The following ARHGEF10L variants were observed in gnomAD, a reference collection of about 807,000 sequenced individuals.
ARHGEF10L encodes Rho guanine nucleotide exchange factor 10 like.
Under a neutral mutation model 141.2 loss-of-function variants are expected in ARHGEF10L, and 69 were observed. The ratio of observed to expected loss-of-function variants is 0.49; its 90% CI spans 0.40 to 0.60. ARHGEF10L has a LOEUF of 0.60. Ranked by LOEUF, ARHGEF10L falls within the 20% of genes least tolerant of loss-of-function variation. The pLI is 0.00. For missense variants in ARHGEF10L, 1,482 were observed against 1,734.3 expected, an observed-to-expected ratio of 0.85 and a Z score of 2.58; for synonymous variants, 711 against 718.5, an observed-to-expected ratio of 0.99 and a Z score of 0.17.
chr1:17,581,760 C>T (rs1457137771), intron 2 of ARHGEF10L, among the ~76,000 whole-genome samples: 3 of 152,036 alleles, frequency 2.0e-5, no homozygotes, highest in African/African-American at 7.2e-5. Flanking sequence ...TAATCAATTG[C>T]TCACTGACGG....
At chr1:17,641,187 G>A (rs1223404496) in intron 21 of ARHGEF10L, among the ~76,000 whole-genome samples, 5 of 152,166 alleles carry the variant, frequency 3.3e-5, no homozygotes, top group Non-Finnish European at 7.3e-5. Flanking sequence ...GTTGGTGAGA[G>A]GCTTATGTCC....
At chr1:17,653,349 G>T (rs867061677) in intron 22 of ARHGEF10L, among the ~76,000 whole-genome samples, 3 of 152,208 alleles carry the variant, frequency 2.0e-5, no homozygotes, top group African/African-American at 7.2e-5. Flanking sequence ...GACATTTAGG[G>T]GCTAGGGCCT....
intron 5 of ARHGEF10L, among the ~76,000 whole-genome samples, chr1:17,602,629 C>T (rs550472238): frequency 1.3e-5 from 2 of 152,070 alleles, no homozygotes; most frequent in Admixed American, 6.5e-5. Flanking sequence ...TGTACAAGGG[C>T]CTGAGGGCAG....
At chr1:17,598,773 CTTT>C (rs113297592) in intron 4 of ARHGEF10L, among the ~76,000 whole-genome samples, 1 of 145,130 alleles carries the variant, frequency 6.9e-6, no homozygotes. Flanking sequence ...CTCTCTCTCT[CTTT>C]TTTTTTTTTT....
At chr1:17,568,525 G>A (rs954315816) in intron 1 of ARHGEF10L, among the ~76,000 whole-genome samples, 1 of 152,202 alleles carries the variant, frequency 6.6e-6, no homozygotes, top group Non-Finnish European at 1.5e-5. Context: ...TTGCTTCAGA[G>A]CAGAAATGAC....
chr1:17,653,149 C>T (rs2062029072), intron 22 of ARHGEF10L, among the ~76,000 whole-genome samples: 1 of 152,200 alleles, frequency 6.6e-6, no homozygotes, highest in Non-Finnish European at 1.5e-5. Flanking sequence ...CACGGCCATC[C>T]TGAGAGATTT....
chr1:17,610,934 C>T (rs1332599499), intron 7 of ARHGEF10L, among the ~76,000 whole-genome samples: 2 of 151,806 alleles, frequency 1.3e-5, no homozygotes, highest in Non-Finnish European at 2.9e-5. Context: ...CCTGCTGGTG[C>T]CAATCCAGGA....
the ARHGEF10L span, among the ~76,000 whole-genome samples, chr1:17,518,080 G>T: frequency 6.6e-6 from 1 of 152,250 alleles, no homozygotes; most frequent in Non-Finnish European, 1.5e-5. Context: ...GATCAAATGT[G>T]TTGTTGTGTC....
chr1:17,627,604 C>T lies in ARHGEF10L; in HGVS notation c.1584+101C>T. On this transcript the variant is annotated intron_variant, in intron 15 of 28. Coordinates refer to ENST00000361221, the MANE Select transcript of ARHGEF10L (RefSeq NM_018125.4). The surrounding 1 kb of genome is among the most constrained non-coding windows in gnomAD (Gnocchi z 4.0). ...GCCACCCACACTAGGTGGCAGTGTT[C>T]TCTGAGGGAGGGGAGGCCTTGCTCT... 1 of 1,418,858 alleles carries T rather than the reference C, an allele frequency of 7.0e-7. No individual in the cohort carries two copies. The highest frequency in any genetic ancestry group is 9.5e-7 in the Non-Finnish European group (1 of 1,053,026). 87.9% of individuals were successfully genotyped at this position (1,418,858 alleles called of 1,614,324 possible). A position where few individuals can be genotyped will look rare whatever the true frequency, so the allele number is the denominator to read the frequency against.
At chr1:17,620,095 C>T (rs543484303) in intron 10 of ARHGEF10L, among the ~76,000 whole-genome samples, 21 of 151,290 alleles carry the variant, frequency 1.4e-4, no homozygotes, top group African/African-American at 4.8e-4. Context: ...CTCAGCTATT[C>T]GGGAGGCTGA....
At chr1:17,608,226 C>T (rs2081354900) in intron 7 of ARHGEF10L, among the ~76,000 whole-genome samples, 2 of 152,326 alleles carry the variant, frequency 1.3e-5, no homozygotes, top group East Asian at 1.9e-4. Flanking sequence ...GGCACAGGTG[C>T]TCCCCCCACC....
rs1299609380 is a variant in ARHGEF10L at position 17,558,822 on chromosome 1, A to G, written c.-44+18872A>G. Among the ~76,000 whole-genome samples the G allele has an allele frequency of 6.6e-6, 1 of 152,184 alleles. No individual in the cohort carries two copies. The highest frequency in any genetic ancestry group is 2.4e-5 in the African/African-American group (1 of 41,442). On this transcript the variant is annotated intron_variant, in intron 1 of 28. Transcript: ENST00000361221. This position sits in a 1 kb window ranked among gnomAD's most constrained non-coding sequence, Gnocchi z 4.2. ...GAGCTGTGGCTCTGTGGGGCCACAG[A>G]TAGGGTCCAGGCAGGGGACAACACT... is the stretch of plus-strand genomic sequence containing the variant.
chr1:17,599,396 A>G (rs1423166205), intron 4 of ARHGEF10L, among the ~76,000 whole-genome samples: 1 of 151,856 alleles, frequency 6.6e-6, no homozygotes. Context: ...CAAGCAGTGC[A>G]TGGCGGATGC....
intron 4 of ARHGEF10L, among the ~76,000 whole-genome samples, chr1:17,592,289 CCT>C (rs1448530549): frequency 6.6e-6 from 1 of 152,206 alleles, no homozygotes; most frequent in Non-Finnish European, 1.5e-5. Context: ...CCTTTATCCC[CCT>C]GTGACCTCAG....
At chr1:17,685,682 A>G (rs541360686) in intron 26 of ARHGEF10L, among the ~76,000 whole-genome samples, 5 of 152,224 alleles carry the variant, frequency 3.3e-5, no homozygotes, top group African/African-American at 1.2e-4. Flanking sequence ...TTACACCCAC[A>G]CCAGACACAT....
rs2061232940 is a variant in ARHGEF10L, at chr1:17,639,899, A to C, written c.2172-303A>C. 1.4e-6 allele frequency: 2 copies of C among 1,431,662 alleles called. No individual in the cohort carries two copies. Among genetic ancestry groups the C allele is most frequent in the Non-Finnish European group, 1.9e-6 (2 of 1,080,440 alleles). 88.7% of individuals were successfully genotyped at this position (1,431,662 alleles called of 1,614,324 possible). On this transcript the variant is annotated intron_variant, in intron 20 of 28. Coordinates refer to ENST00000361221, the MANE Select transcript of ARHGEF10L (RefSeq NM_018125.4). This position sits in a 1 kb window ranked among gnomAD's most constrained non-coding sequence, Gnocchi z 4.3. ...AGCTGACCGCTGACCAGGTGGAGTC[A>C]CAGCCTGCAGAGGCTCTGCCGGGCA...
rs2059768071 is a variant in ARHGEF10L at position 17,615,685 on chromosome 1, T to G, written c.727-409T>G. The stretch of plus-strand genomic sequence containing the variant: ...GCTCACAGACCCTGGCAAGGATCGG[T>G]ATTGCTGTTCCTCAGTTTTGCCTGG... On this transcript the variant is annotated intron_variant, in intron 8 of 28. Coordinates refer to ENST00000361221, the MANE Select transcript of ARHGEF10L (RefSeq NM_018125.4). The surrounding 1 kb of genome is among the most constrained non-coding windows in gnomAD (Gnocchi z 4.7). The G allele has an allele frequency of 5.7e-6, 1 of 174,514 alleles. No individual in the cohort carries two copies. The highest frequency in any genetic ancestry group is 5.6e-5 in the Admixed American group (1 of 17,932). The allele number at this position is 174,514 out of a possible 1,614,324, so 10.8% of individuals were successfully genotyped here.
At chr1:17,522,724 A>G in the ARHGEF10L span, among the ~76,000 whole-genome samples, 1 of 151,518 alleles carries the variant, frequency 6.6e-6, no homozygotes, top group African/African-American at 2.4e-5. Flanking sequence ...TTCTGGCTGG[A>G]TCTCTTCAGT....
At chr1:17,653,655 C>A (rs991117731) in intron 22 of ARHGEF10L, among the ~76,000 whole-genome samples, 1 of 152,220 alleles carries the variant, frequency 6.6e-6, no homozygotes. Context: ...AGAACTGGGG[C>A]CCCAGAGTGC....
Sources: gnomAD v4.1 joint callset for allele counts (sites outside exome capture counted in the v4.1 genomes callset) on GRCh38, gnomAD v4.1.1 for gene constraint, Gnocchi (gnomAD v3.1) non-coding constraint, MANE v1.5 for transcripts, NCBI Gene and HGNC (gene_info 2026-07-23, HGNC 2026-07-21) for gene names.